ADGRA3: variants seen among roughly 807,000 people sequenced by gnomAD.
ADGRA3 encodes adhesion G protein-coupled receptor A3.
In ADGRA3, 56 loss-of-function variants were observed where a neutral mutation model predicts 119.8. That is an observed-to-expected ratio of 0.47 (90% confidence interval 0.38 to 0.58). ADGRA3 has a LOEUF of 0.58. Among genes scored for constraint, ADGRA3 ranks in the 20% least tolerant of loss-of-function variants. The pLI is 0.00. For missense variants in ADGRA3, 1,516 were observed against 1,649.0 expected (o/e 0.92, Z 1.40); for synonymous variants, 607 against 623.8 (o/e 0.97, Z 0.40).
chr4:22,424,577 G>A (rs1715856666), intron 10 of ADGRA3, among the ~76,000 whole-genome samples: 1 of 152,094 alleles, frequency 6.6e-6, no homozygotes, highest in Non-Finnish European at 1.5e-5. Flanking sequence ...TATGTAAGTG[G>A]CCACCACATC....
chr4:22,472,859 T>C (rs1717903694), intron 2 of ADGRA3, among the ~76,000 whole-genome samples: 1 of 152,172 alleles, frequency 6.6e-6, no homozygotes, highest in African/African-American at 2.4e-5. Flanking sequence ...CCCTTATGTA[T>C]TGTGAAATTT....
intron 2 of ADGRA3, among the ~76,000 whole-genome samples, chr4:22,468,995 T>C (rs6851006): frequency 0.094 from 14,372 of 152,116 alleles, 771 homozygotes; most frequent in African/African-American, 0.12. Flanking sequence ...ATTATGCAAG[T>C]TTAGCAGCCT....
At chr4:22,435,778 A>C (rs750809207) in intron 9 of ADGRA3, among the ~76,000 whole-genome samples, 12 of 152,178 alleles carry the variant, frequency 7.9e-5, no homozygotes, top group Non-Finnish European at 1.6e-4. Flanking sequence ...CCAATTGCTT[A>C]ATAAAGCCTT....
intron 10 of ADGRA3, among the ~76,000 whole-genome samples, chr4:22,433,322 T>C (rs1716260401): frequency 6.6e-6 from 1 of 152,192 alleles, no homozygotes; most frequent in Admixed American, 6.5e-5. Context: ...CTTCTTAGCT[T>C]CTGAGGTCAT....
At chr4:22,484,624 G>A (rs971359226) in intron 1 of ADGRA3, among the ~76,000 whole-genome samples, 38 of 149,632 alleles carry the variant, frequency 2.5e-4, no homozygotes, top group Non-Finnish European at 3.7e-4. Context: ...AAAAAAAAGC[G>A]TAAGCAGCTT....
chr4:22,405,196 G>T (rs572119075), intron 14 of ADGRA3, among the ~76,000 whole-genome samples: 5 of 152,062 alleles, frequency 3.3e-5, no homozygotes, highest in Admixed American at 2.6e-4. Flanking sequence ...ACTAAAAGCC[G>T]ATTTAGTTCT....
chr4:22,389,617 C>T (rs1233628321), intron 17 of ADGRA3, among the ~76,000 whole-genome samples: 1 of 151,938 alleles, frequency 6.6e-6, no homozygotes, highest in Non-Finnish European at 1.5e-5. Flanking sequence ...TAATGTTCAG[C>T]TCAACCTGCA....
chr4:22,496,246 G>A lies in ADGRA3; in HGVS notation c.257+19282C>T, dbSNP rs1320368131. The stretch of plus-strand genomic sequence containing the variant: ...TGAGGACAGGCTCTGGAGTTGGGCT[G>A]ACTCGGCTCAAGTCCTGGTTCCATC... On this transcript the variant is annotated intron_variant, in intron 1 of 18. Coordinates refer to ENST00000334304, the MANE Select transcript of ADGRA3 (RefSeq NM_145290.4). 2.0e-5 allele frequency among the ~76,000 whole-genome samples: 3 copies of A among 152,078 alleles called. No individual in the cohort carries two copies. The East Asian group carries it at 5.8e-4, about 29-fold the overall frequency.
intron 1 of ADGRA3, among the ~76,000 whole-genome samples, chr4:22,490,431 C>A (rs1718583257): frequency 6.6e-6 from 1 of 152,118 alleles, no homozygotes; most frequent in African/African-American, 2.4e-5. Flanking sequence ...TCTACTGGGA[C>A]CATCCTGAGG....
chr4:22,443,597 C>A (rs1475343479), intron 6 of ADGRA3, among the ~76,000 whole-genome samples: 1 of 152,106 alleles, frequency 6.6e-6, no homozygotes, highest in African/African-American at 2.4e-5. Flanking sequence ...GCTAAATATG[C>A]TGTAATAGAG....
rs1356671890 is a variant in ADGRA3, at chr4:22,415,242, G to A, written c.1810-1428C>T. On this transcript the variant is annotated intron_variant, in intron 12 of 18. Transcript: ENST00000334304. Reference sequence around the variant, plus strand: ...TTGTGAAATGAACAATGTCTGTATGGCATGTTTATTTTAAAAACAATTCTA... The same window carrying A: ...TTGTGAAATGAACAATGTCTGTATGACATGTTTATTTTAAAAACAATTCTA... Among the ~76,000 whole-genome samples, 5 of 152,108 alleles carry A rather than the reference G, an allele frequency of 3.3e-5. No homozygotes were observed. In the East Asian group the frequency reaches 9.7e-4, roughly 29 times the overall value.
At chr4:22,497,717 A>C (rs1718888542) in intron 1 of ADGRA3, among the ~76,000 whole-genome samples, 1 of 134,008 alleles carries the variant, frequency 7.5e-6, no homozygotes, top group African/African-American at 2.8e-5. Context: ...CAGCTACTTG[A>C]GGCGTACGTT....
At chr4:22,392,984 G>A (rs569580663) in intron 16 of ADGRA3, 1 of 242,234 alleles carries the variant, frequency 4.1e-6, no homozygotes, top group South Asian at 1.3e-4. Context: ...TAAACCAAAA[G>A]TGTGTTTTTC....
chr4:22,495,494 A>G (rs1253413038), intron 1 of ADGRA3, among the ~76,000 whole-genome samples: 5 of 152,048 alleles, frequency 3.3e-5, no homozygotes, highest in Admixed American at 6.5e-5. Context: ...AAGGTGGGGG[A>G]CTACCATTTT....
intron 2 of ADGRA3, among the ~76,000 whole-genome samples, chr4:22,462,555 T>A (rs906509032): frequency 2.0e-5 from 3 of 152,176 alleles, no homozygotes; most frequent in African/African-American, 7.2e-5. Flanking sequence ...CCTCAAGCAA[T>A]CTGCCTGCCT....
At chr4:22,416,012 C>T (rs752683440) in intron 12 of ADGRA3, among the ~76,000 whole-genome samples, 7 of 152,144 alleles carry the variant, frequency 4.6e-5, no homozygotes, top group African/African-American at 7.2e-5. Context: ...GCCTAGGGTG[C>T]CGATAAGGTA....
chr4:22,404,441 G>A (rs1412340790), intron 14 of ADGRA3, among the ~76,000 whole-genome samples: 1 of 152,096 alleles, frequency 6.6e-6, no homozygotes, highest in Non-Finnish European at 1.5e-5. Flanking sequence ...AACAGTTAAT[G>A]ACAAAAACCA....
At chr4:22,479,812 G>A (rs1336254001) in intron 1 of ADGRA3, among the ~76,000 whole-genome samples, 1 of 145,668 alleles carries the variant, frequency 6.9e-6, no homozygotes, top group African/African-American at 2.6e-5. Context: ...ATACTATGCA[G>A]CCATAAAAAA....
At chr4:22,424,390 AACC>A in intron 10 of ADGRA3, 38 bp from the exon 11 acceptor site, 1 of 1,591,472 alleles carries the variant, frequency 6.3e-7, no homozygotes, top group South Asian at 1.1e-5. Context: ...AGATCTTTAA[AACC>A]ACCATAAACT....
Sources: gnomAD v4.1 joint callset for allele counts (sites outside exome capture counted in the v4.1 genomes callset) on GRCh38, gnomAD v4.1.1 for gene constraint, MANE v1.5 for transcripts, NCBI Gene and HGNC (gene_info 2026-07-23, HGNC 2026-07-21) for gene names.